PAM: variants seen among roughly 807,000 people sequenced by gnomAD.
PAM encodes peptidylglycine alpha-amidating monooxygenase.
Under a neutral mutation model 122.1 loss-of-function variants are expected in PAM, and 72 were observed. That is an observed-to-expected ratio of 0.59 (90% CI 0.49 to 0.72). The LOEUF is 0.72. Among genes scored for constraint, PAM ranks in the 30% least tolerant of loss-of-function variants. The pLI is 0.00. For synonymous variants in PAM, 389 were observed against 404.4 expected, an observed-to-expected ratio of 0.96 and a Z score of 0.46; for missense variants, 1,106 against 1,183.7, an observed-to-expected ratio of 0.93 and a Z score of 0.96.
intron 14 of PAM, among the ~76,000 whole-genome samples, chr5:102,964,886 A>G (rs1370354818): frequency 6.6e-6 from 1 of 151,826 alleles, no homozygotes; most frequent in Non-Finnish European, 1.5e-5. Context: ...ATTCCTGCCT[A>G]TATCAATTTG....
At chr5:102,990,240 T>G (rs781192162) in intron 15 of PAM, 32 bp from the exon 16 acceptor site, 1 of 1,484,096 alleles carries the variant, frequency 6.7e-7, no homozygotes, top group South Asian at 1.5e-5. Context: ...GACCTTTCCC[T>G]TTTACACTAA....
At chr5:102,919,499 C>T (rs2151642843) in intron 5 of PAM, among the ~76,000 whole-genome samples, 1 of 152,126 alleles carries the variant, frequency 6.6e-6, no homozygotes, top group East Asian at 1.9e-4. Flanking sequence ...CTTCTGCAAT[C>T]CTCTCTTTGT....
At position 102,961,139 on chromosome 5, in the gene PAM, C is replaced by G; in HGVS notation, c.1091-19C>G. 7.4e-7 allele frequency: 1 copy of G among 1,359,086 alleles called. No individual in the cohort carries two copies. Among genetic ancestry groups the G allele is most frequent in the South Asian group, 1.2e-5 (1 of 85,136 alleles). 84.2% of individuals were successfully genotyped at this position (1,359,086 alleles called of 1,614,324 possible). ...ATACATACTGCAAATTTATGCTCAG[C>G]TTCTTTGATCCTTTACAGAAACAGA... On this transcript the variant is annotated intron_variant, in intron 13 of 25. Coordinates refer to ENST00000438793, the MANE Select transcript of PAM (RefSeq NM_001177306.2).
chr5:102,757,531 C>T (rs1750799194), intron 1 of PAM, among the ~76,000 whole-genome samples: 1 of 152,186 alleles, frequency 6.6e-6, no homozygotes, highest in Non-Finnish European at 1.5e-5. Flanking sequence ...GTATGATGTG[C>T]TAATCAAATG....
At chr5:102,941,399 G>GTT (rs1202002683) in intron 7 of PAM, among the ~76,000 whole-genome samples, 6 of 152,220 alleles carry the variant, frequency 3.9e-5, no homozygotes, top group Non-Finnish European at 7.3e-5. Flanking sequence ...AAAAGGAATT[G>GTT]TTTTTGAAGA....
chr5:102,969,530 C>A (rs1322217014), intron 14 of PAM, among the ~76,000 whole-genome samples: 1 of 151,994 alleles, frequency 6.6e-6, no homozygotes, highest in Non-Finnish European at 1.5e-5. Flanking sequence ...ATAAGATTCC[C>A]AAATGAGTAC....
chr5:102,982,714 A>G (rs1202445406), intron 15 of PAM, among the ~76,000 whole-genome samples: 2 of 152,250 alleles, frequency 1.3e-5, no homozygotes, highest in African/African-American at 4.8e-5. Flanking sequence ...GTTCATCTAT[A>G]AAGAAAAACA....
Position 102,942,139 on chromosome 5 carries a change from G to C in PAM, c.527-4698G>C, listed in dbSNP as rs77144940. Among the ~76,000 whole-genome samples, 870 of 152,200 alleles carry C rather than the reference G, an allele frequency of 5.7e-3. 4 individuals are homozygous for C. Among genetic ancestry groups the C allele is most frequent in the Non-Finnish European group, 9.9e-3 (671 of 68,024 alleles). ...ATCTGTTCCAATGCTAAGGAAACTG[G>C]CTGTGTTGGATCTGTTAGGAGACCT... On this transcript the variant is annotated intron_variant, in intron 7 of 25. Transcript: ENST00000438793.
intron 5 of PAM, among the ~76,000 whole-genome samples, chr5:102,917,990 A>G (rs146986907): frequency 6.6e-6 from 1 of 152,308 alleles, no homozygotes; most frequent in East Asian, 1.9e-4. Context: ...CAATGTGTCT[A>G]GTTAATTATA....
rs140021943 is a variant in PAM, at chr5:102,969,482, G to C, written c.1163-4634G>C. Among the ~76,000 whole-genome samples, 253 of 152,196 alleles carry C rather than the reference G, an allele frequency of 1.7e-3. 1 individual carries two copies. The highest frequency in any genetic ancestry group is 2.5e-3 in the Non-Finnish European group (173 of 68,012). On this transcript the variant is annotated intron_variant, in intron 14 of 25. Transcript: ENST00000438793. ...CAGAGCAGAGATGGGGGTCCTTTCT[G>C]AGGAAGGAGAAGAGTCTTTCACTAT... is the stretch of plus-strand genomic sequence containing the variant.
At position 102,780,512 on chromosome 5, in the gene PAM, G is replaced by A. The variant is rs116559467; in HGVS notation, c.-374+25164G>A. On this transcript the variant is annotated intron_variant, in intron 1 of 25. Transcript: ENST00000438793. ...CATCATAAAGACATTTATTACCTAT[G>A]TGATTTGTAGGACATTTGAGAGTTA... Among the ~76,000 whole-genome samples the A allele has an allele frequency of 5.8e-3, 886 of 152,208 alleles. 9 individuals carry two copies. The highest frequency in any genetic ancestry group is 0.02 in the African/African-American group (841 of 41,532).
Position 102,949,612 on chromosome 5 carries a change from AT to A in PAM, c.722del (p.Leu241Ter). The A allele has an allele frequency of 7.3e-7, 1 of 1,378,110 alleles. No homozygotes were observed. The highest frequency in any genetic ancestry group is 1.0e-6 in the Non-Finnish European group (1 of 965,778). The allele number at this position is 1,378,110 out of a possible 1,614,324, so 85.4% of individuals were successfully genotyped here. Reference protein sequence around the residue: ...HVFAYRVHTHHLGKVVSGYRV... With the variant: ...HVFAYRVHTHXLGKVVSGYRV... ...TTTGCCTATAGAGTTCACACTCACC[AT>A]TTAGGTAAGAACTTTACATGTTAAA... On this transcript the variant is annotated frameshift_variant, in exon 10 of 26. Transcript: ENST00000438793. LOFTEE classifies it high-confidence loss of function.
intron 17 of PAM, among the ~76,000 whole-genome samples, chr5:103,004,527 C>T (rs1171590244): frequency 2.0e-5 from 3 of 152,156 alleles, no homozygotes; most frequent in Non-Finnish European, 2.9e-5. Flanking sequence ...AATGTATTGT[C>T]CATGTGTCTG....
At chr5:103,000,169 G>A (rs1045842193) in intron 16 of PAM, among the ~76,000 whole-genome samples, 3 of 152,156 alleles carry the variant, frequency 2.0e-5, no homozygotes, top group Admixed American at 1.3e-4. Context: ...ATGCTTTGCT[G>A]CTTAGACATT....
intron 7 of PAM, among the ~76,000 whole-genome samples, chr5:102,939,949 T>C (rs1003804571): frequency 6.6e-5 from 10 of 152,154 alleles, no homozygotes; most frequent in Non-Finnish European, 1.0e-4. Context: ...ATATAAACTT[T>C]CTGTGTTCCC....
chr5:102,826,922 C>A (rs469380), intron 1 of PAM, among the ~76,000 whole-genome samples: 104,330 of 152,004 alleles, frequency 0.69, 36,106 homozygotes, highest in South Asian at 0.81. Context: ...CTAAATTTAG[C>A]ATACATATAG....
intron 1 of PAM, among the ~76,000 whole-genome samples, chr5:102,789,065 A>G (rs1450697936): frequency 1.3e-5 from 2 of 152,160 alleles, no homozygotes; most frequent in Admixed American, 1.3e-4. Context: ...TACTGGCATT[A>G]TTGGGAGTTA....
At chr5:103,026,574 A>C (rs1465068520) in intron 24 of PAM, among the ~76,000 whole-genome samples, 2 of 152,246 alleles carry the variant, frequency 1.3e-5, no homozygotes, top group Non-Finnish European at 2.9e-5. Context: ...GGCAAAGAGA[A>C]ATAAACATAG....
intron 14 of PAM, among the ~76,000 whole-genome samples, chr5:102,964,301 T>A (rs1481645148): frequency 1.3e-5 from 2 of 151,982 alleles, no homozygotes; most frequent in African/African-American, 4.8e-5. Context: ...TAACTAGATG[T>A]CTTGACATCT....
Sources: allele counts gnomAD v4.1 joint callset (sites outside exome capture counted in the v4.1 genomes callset), GRCh38; gene constraint gnomAD v4.1.1; transcripts MANE v1.5; gene names NCBI Gene and HGNC (gene_info 2026-07-23, HGNC 2026-07-21).